The following TMC1 variants were observed in gnomAD, a reference collection of about 807,000 sequenced individuals.
TMC1 encodes transmembrane channel-like protein 1.
In TMC1, 84 loss-of-function variants were observed where a neutral mutation model predicts 105.8. The observed-to-expected ratio is 0.79, with a 90% CI of 0.67 to 0.95. The LOEUF is 0.95. Among genes scored for constraint, TMC1 ranks in the 40% least tolerant of loss-of-function variants. The pLI, the probability that TMC1 is intolerant of heterozygous loss-of-function variation, is 0.00. For synonymous variants in TMC1, 315 were observed against 311.5 expected (o/e 1.01, Z -0.12); for missense variants, 817 against 914.1 (o/e 0.89, Z 1.37).
In TMC1 at chr9:72,775,291, A is replaced by C. The variant is rs116010593; in HGVS notation, c.884+2736A>C. ...TCCTTTTCTTTCCAGGTCAGTGTAC[A>C]TTTTCAACCACATCATATGCTTAGA... is the stretch of plus-strand genomic sequence containing the variant. On this transcript the variant is annotated intron_variant, in intron 13 of 23. Coordinates refer to ENST00000297784, the MANE Select transcript of TMC1 (RefSeq NM_138691.3). 3.0e-3 allele frequency among the ~76,000 whole-genome samples: 449 copies of C among 149,396 alleles called. 3 individuals are homozygous for C. Among genetic ancestry groups the C allele is most frequent in the African/African-American group, 0.011 (429 of 40,538 alleles).
At chr9:72,807,757 A>G (rs2118251303) in intron 18 of TMC1, among the ~76,000 whole-genome samples, 1 of 152,342 alleles carries the variant, frequency 6.6e-6, no homozygotes, top group South Asian at 2.1e-4. Flanking sequence ...AGAGCTCGAA[A>G]GAGACACACA....
intron 5 of TMC1, among the ~76,000 whole-genome samples, chr9:72,660,343 C>A (rs1264433153): frequency 6.6e-6 from 1 of 152,186 alleles, no homozygotes; most frequent in Non-Finnish European, 1.5e-5. Flanking sequence ...TTTCCTTGAA[C>A]TCTACATTCA....
At chr9:72,648,531 A>G (rs1825751450) in intron 4 of TMC1, 66 bp from the exon 5 acceptor site, 1 of 891,502 alleles carries the variant, frequency 1.1e-6, no homozygotes, top group Non-Finnish European at 1.9e-6. Context: ...GAGCACTTTC[A>G]GTGGCAGGCA....
rs142619182 is a variant in TMC1 at position 72,605,024 on chromosome 9, A to G, written c.-305-11344A>G. 2.6e-3 allele frequency among the ~76,000 whole-genome samples: 396 copies of G among 152,350 alleles called. 6 individuals carry two copies. The highest frequency in any genetic ancestry group is 8.9e-3 in the African/African-American group (371 of 41,590). On this transcript the variant is annotated intron_variant, in intron 2 of 23. Transcript: ENST00000297784. ...TGGTTTAATCAATTGTTTATATGCT[A>G]TTCTCTTCTCTTAAAATGAAATAAT...
At chr9:72,789,422 C>G in intron 15 of TMC1, 105 bp downstream of exon 15, 1 of 1,040,020 alleles carries the variant, frequency 9.6e-7, no homozygotes, top group Non-Finnish European at 1.5e-6. Flanking sequence ...TTTACCTATC[C>G]CCTATCCTGC....
chr9:72,739,383 A>G (rs1827351914), intron 8 of TMC1, among the ~76,000 whole-genome samples: 1 of 152,236 alleles, frequency 6.6e-6, no homozygotes, highest in Non-Finnish European at 1.5e-5. Flanking sequence ...CATTCAGTCT[A>G]TAACAATGAT....
rs77478651 is a variant in TMC1, at chr9:72,794,410, G to A, written c.1566+2058G>A. ...AGAGGGAACATGGCTGCAACTGTGC[G>A]GCAACACAGGGGAGCCTCACAACCA... On this transcript the variant is annotated intron_variant, in intron 17 of 23. Coordinates refer to ENST00000297784, the MANE Select transcript of TMC1 (RefSeq NM_138691.3). 1.1e-3 allele frequency among the ~76,000 whole-genome samples: 163 copies of A among 152,184 alleles called. 2 individuals carry two copies. Among genetic ancestry groups the A allele is most frequent in the Middle Eastern group, 3.4e-3 (1 of 294 alleles).
At chr9:72,549,745 G>A (rs911976768) in intron 1 of TMC1, among the ~76,000 whole-genome samples, 6 of 151,900 alleles carry the variant, frequency 3.9e-5, no homozygotes, top group African/African-American at 1.5e-4. Context: ...TGAGTAGCTG[G>A]GACTACAGGC....
chr9:72,624,813 T>C (rs1825318173), intron 3 of TMC1, among the ~76,000 whole-genome samples: 1 of 152,222 alleles, frequency 6.6e-6, no homozygotes, highest in African/African-American at 2.4e-5. Flanking sequence ...GTGGCTTAAC[T>C]GCATCTACCC....
At chr9:72,793,410 G>C (rs1828309317) in intron 17 of TMC1, among the ~76,000 whole-genome samples, 1 of 152,128 alleles carries the variant, frequency 6.6e-6, no homozygotes, top group South Asian at 2.1e-4. Context: ...TTTGCTGTTT[G>C]GTTGACTTGG....
chr9:72,768,258 G>A (rs1310834594), intron 12 of TMC1, among the ~76,000 whole-genome samples: 1 of 151,794 alleles, frequency 6.6e-6, no homozygotes, highest in Non-Finnish European at 1.5e-5. Context: ...TCACTCATAA[G>A]TGGGAGTTGA....
chr9:72,766,663 GC>G (rs1827843667), intron 12 of TMC1, among the ~76,000 whole-genome samples: 1 of 152,102 alleles, frequency 6.6e-6, no homozygotes, highest in Admixed American at 6.5e-5. Context: ...CAAAGGAACT[GC>G]CTCATTCACA....
At position 72,589,127 on chromosome 9, in the gene TMC1, C is replaced by T. The variant is rs1587976262; in HGVS notation, c.-306+11104C>T. Among the ~76,000 whole-genome samples, 3 of 152,220 alleles carry T rather than the reference C, an allele frequency of 2.0e-5. No individual in the cohort carries two copies. The South Asian group carries it at 6.2e-4, about 32-fold the overall frequency. ...GGAATGAGCTTTCTGGACAAGTAAA[C>T]GGCATGCATCAAGGCACAGAAACAT... On this transcript the variant is annotated intron_variant, in intron 2 of 23. Coordinates refer to ENST00000297784, the MANE Select transcript of TMC1 (RefSeq NM_138691.3).
intron 8 of TMC1, among the ~76,000 whole-genome samples, chr9:72,737,315 G>A (rs1176858227): frequency 6.6e-6 from 1 of 152,142 alleles, no homozygotes; most frequent in Non-Finnish European, 1.5e-5. Flanking sequence ...TTTCAAAACC[G>A]GCATTGCCGT....
chr9:72,816,750 A>G (rs1828794315), intron 19 of TMC1, among the ~76,000 whole-genome samples: 1 of 152,182 alleles, frequency 6.6e-6, no homozygotes, highest in Non-Finnish European at 1.5e-5. Flanking sequence ...GCCATGGCAC[A>G]TCAGAATTAT....
chr9:72,740,917 C>A (rs1472083880), intron 9 of TMC1, among the ~76,000 whole-genome samples: 1 of 152,016 alleles, frequency 6.6e-6, no homozygotes, highest in Non-Finnish European at 1.5e-5. Flanking sequence ...TAAATTGAAT[C>A]ATATAGTATC....
At position 72,780,110 on chromosome 9, in the gene TMC1, C is replaced by A. The variant is rs142141156; in HGVS notation, c.884+7555C>A. 9.0e-3 allele frequency among the ~76,000 whole-genome samples: 1,368 copies of A among 152,262 alleles called. 8 individuals carry two copies. The highest frequency in any genetic ancestry group is 0.015 in the Non-Finnish European group (1,033 of 68,016). Reference sequence around the variant, plus strand: ...AGAAGAGATTAGGGCCTATATTCACCATCCTAAAAGAAAAGAAATTTCAAC... The same window carrying A: ...AGAAGAGATTAGGGCCTATATTCACAATCCTAAAAGAAAAGAAATTTCAAC... On this transcript the variant is annotated intron_variant, in intron 13 of 23. Transcript: ENST00000297784.
At chr9:72,574,044 A>T (rs7357666) in intron 1 of TMC1, among the ~76,000 whole-genome samples, 87,584 of 152,078 alleles carry the variant, frequency 0.58, 26,981 homozygotes, top group African/African-American at 0.81. Context: ...CACGCAGTAT[A>T]TGATTTTCTG....
At chr9:72,635,973 T>G (rs1375834323) in intron 4 of TMC1, among the ~76,000 whole-genome samples, 6 of 152,164 alleles carry the variant, frequency 3.9e-5, no homozygotes, top group African/African-American at 1.4e-4. Flanking sequence ...TGCTGGGAAA[T>G]CTACCAAAAT....
Sources: gnomAD v4.1 joint callset for allele counts (sites outside exome capture counted in the v4.1 genomes callset) on GRCh38, gnomAD v4.1.1 for gene constraint, MANE v1.5 for transcripts, NCBI Gene and HGNC (gene_info 2026-07-23, HGNC 2026-07-21) for gene names.